GOLGA8M: variants seen among roughly 807,000 people sequenced by gnomAD.
The protein encoded by GOLGA8M is golgin A8 family member M.
In GOLGA8M, 34 loss-of-function variants were observed where a neutral mutation model predicts 87.7. The ratio of observed to expected loss-of-function variants is 0.39; its 90% CI spans 0.29 to 0.52. GOLGA8M has a LOEUF of 0.52. Among genes scored for constraint, GOLGA8M ranks in the 20% least tolerant of loss-of-function variants. GOLGA8M has a pLI of 0.80. For missense variants in GOLGA8M, 396 were observed against 682.2 expected, an observed-to-expected ratio of 0.58 and a Z score of 4.67; for synonymous variants, 138 against 250.2, an observed-to-expected ratio of 0.55 and a Z score of 4.23.
rs1187561670 is a variant in GOLGA8M, at chr15:28,705,723, C to A, written c.891G>T (p.Pro297=). The change falls in exon 12 of 19, where the codon CCG becomes CCT. Residue 297 remains proline (P), a synonymous_variant. Coordinates refer to ENST00000563027, the MANE Select transcript of GOLGA8M (RefSeq NM_001282468.3). ...CCTCAGAGGGCACTGCTGGGGGCTC[C>A]GGGGGCAAGGGTTCAGCTGAGAAAG... is the stretch of plus-strand genomic sequence containing the variant. ...LKNQMAEPLP[P]EPPAVPSEVE... 2 of 1,573,988 alleles carry A rather than the reference C, an allele frequency of 1.3e-6. No individual in the cohort carries two copies. Among genetic ancestry groups the A allele is most frequent in the African/African-American group, 2.9e-5 (2 of 68,362 alleles).
upstream of GOLGA8M, among the ~76,000 whole-genome samples, chr15:28,712,901 A>G (rs929051594): frequency 7.2e-5 from 11 of 151,916 alleles, no homozygotes; most frequent in Admixed American, 2.0e-4. Context: ...ATGATTAATG[A>G]AGCAGACTAT....
Position 28,702,170 on chromosome 15 carries a change from C to A in GOLGA8M, c.1724-41G>T, listed in dbSNP as rs748818426. On this transcript the variant is annotated intron_variant, in intron 18 of 18. Transcript: ENST00000563027. ...GGCAGGGATCTGAGCACAGTGGGAG[C>A]CCCCTCTTCCTGCCTGCCCACACCA... is the stretch of plus-strand genomic sequence containing the variant. The A allele has an allele frequency of 2.6e-6, 4 of 1,557,342 alleles. No individual in the cohort carries two copies. In the Admixed American group the frequency reaches 7.7e-5, roughly 30 times the overall value.
chr15:28,708,835 G>A (rs536548302), intron 4 of GOLGA8M, among the ~76,000 whole-genome samples: 15 of 150,938 alleles, frequency 9.9e-5, no homozygotes, highest in African/African-American at 2.7e-4. Context: ...TTCCATTCTC[G>A]GGGGCCTTTA....
intron 16 of GOLGA8M, 41 bp downstream of exon 16, chr15:28,702,604 G>C: frequency 6.2e-7 from 1 of 1,610,128 alleles, no homozygotes; most frequent in Non-Finnish European, 8.5e-7. Flanking sequence ...CCCTCCGACG[G>C]TCCTGCAGCT....
rs552470759 is a variant in GOLGA8M at position 28,712,035 on chromosome 15, C to T, written c.48+241G>A. On this transcript the variant is annotated intron_variant, in intron 1 of 18. Transcript: ENST00000563027. ...AGGAGATGAGGGCCCAGTAACGGAG[C>T]GGGAAGCCCCAGGAGTCACCCACCC... The T allele has an allele frequency of 1.4e-5, 14 of 984,950 alleles. No homozygotes were observed. The Admixed American group carries it at 3.1e-4, about 22-fold the overall frequency. 61.0% of individuals were successfully genotyped at this position (984,950 alleles called of 1,614,324 possible).
chr15:28,701,477 C>T lies in GOLGA8M; in HGVS notation c.*477G>A, dbSNP rs561406557. 2.6e-4 allele frequency among the ~76,000 whole-genome samples: 40 copies of T among 151,608 alleles called. No individual in the cohort carries two copies. Among genetic ancestry groups the T allele is most frequent in the African/African-American group, 9.5e-4 (39 of 41,240 alleles). On this transcript the variant is annotated 3_prime_UTR_variant, in exon 19 of 19. Transcript: ENST00000563027. ...GTAATAAACAGTGCACACTTGGGGG[C>T]AAACTACATATTGAGCTAACGAAGA...
upstream of GOLGA8M, among the ~76,000 whole-genome samples, chr15:28,713,253 C>T (rs1444972392): frequency 6.6e-6 from 1 of 151,354 alleles, no homozygotes; most frequent in Non-Finnish European, 1.5e-5. Context: ...AGGAGAATGA[C>T]ATGAACCCCC....
In GOLGA8M at chr15:28,702,219, T is replaced by G. The variant is rs778450092; in HGVS notation, c.1718A>C (p.His573Pro). 21 of 1,590,928 alleles carry G rather than the reference T, an allele frequency of 1.3e-5. No homozygotes were observed. Among genetic ancestry groups the G allele is most frequent in the Non-Finnish European group, 1.8e-5 (21 of 1,175,324 alleles). ...CACCTGAGGGCTGTACTCACCACCA[T>G]GCTTGTCTGCAGCCCCAAGCTCCTG... is the stretch of plus-strand genomic sequence containing the variant. ...APQELGAADK[H>P]GDLCEVSLTS... The change falls in exon 18 of 19, where the codon CAT (histidine) becomes CCT (proline). Residue 573 changes from histidine to proline, a missense_variant. Physicochemically the swap from His to Pro is moderately conservative, Grantham distance 77. Coordinates refer to ENST00000563027, the MANE Select transcript of GOLGA8M (RefSeq NM_001282468.3).
At chr15:28,708,336 T>C (rs942622406) in intron 5 of GOLGA8M, 39 bp downstream of exon 5, 4 of 1,608,134 alleles carry the variant, frequency 2.5e-6, no homozygotes, top group Non-Finnish European at 3.4e-6. Context: ...GTGAGCCTTC[T>C]TCCAGCAGTC....
intron 12 of GOLGA8M, 127 bp downstream of exon 12, chr15:28,705,356 C>G (rs2079984991): frequency 8.3e-7 from 1 of 1,200,700 alleles, no homozygotes; most frequent in African/African-American, 1.5e-5. Flanking sequence ...CCCACAGCCA[C>G]CTGGCTCACA....
intron 1 of GOLGA8M, chr15:28,711,643 C>T (rs1034569876): frequency 1.0e-5 from 10 of 984,918 alleles, no homozygotes; most frequent in African/African-American, 3.5e-5. Flanking sequence ...GAGGTGAGAA[C>T]GCTTAGGGGA....
intron 16 of GOLGA8M, 41 bp from the exon 17 acceptor site, chr15:28,702,603 G>C (rs549272543): frequency 8.7e-6 from 14 of 1,610,064 alleles, no homozygotes; most frequent in Non-Finnish European, 1.2e-5. Flanking sequence ...CCCCTCCGAC[G>C]GTCCTGCAGC....
intron 2 of GOLGA8M, among the ~76,000 whole-genome samples, chr15:28,709,981 T>C (rs2080151091): frequency 7.0e-6 from 1 of 143,240 alleles, no homozygotes; most frequent in African/African-American, 2.6e-5. Context: ...ATCACCTCTA[T>C]TATACAGATG....
chr15:28,702,496 G>A lies in GOLGA8M; in HGVS notation c.1536C>T (p.His512=). The change falls in exon 17 of 19, where the codon CAC becomes CAT. Residue 512 remains histidine (H), a synonymous_variant. Coordinates refer to ENST00000563027, the MANE Select transcript of GOLGA8M (RefSeq NM_001282468.3). ...RAKDAALGGG[H]HQAGAQGGDE... is the part of the protein sequence containing the mutation. ...CTCCTCCCTGAGCTCCAGCCTGATG[G>A]TGTCCTCCTCCCAGTGCCGCATCTT... The A allele has an allele frequency of 1.3e-6, 2 of 1,589,002 alleles. No homozygotes were observed. Among genetic ancestry groups the A allele is most frequent in the East Asian group, 2.3e-5 (1 of 44,322 alleles).
Position 28,709,271 on chromosome 15 carries a change from G to C in GOLGA8M, c.305C>G (p.Ser102Cys). Residue 102 changes from serine to cysteine, a missense_variant, in exon 4 of 19, where the codon TCT becomes TGT. Transcript: ENST00000563027. ...GGGACCCCACCGGACTCTTACCAAA[G>C]ATTTGATGGTGTTCTTCAGTTGACT... is the stretch of plus-strand genomic sequence containing the variant. ...EISQLKNTIK[S>C]LKQQKKQVEH... 2.6e-6 allele frequency: 4 copies of C among 1,555,328 alleles called. No homozygotes were observed. The highest frequency in any genetic ancestry group is 3.5e-6 in the Non-Finnish European group (4 of 1,146,540).
chr15:28,703,963 G>T, intron 13 of GOLGA8M, 46 bp from the exon 14 acceptor site: 2 of 1,587,274 alleles, frequency 1.3e-6, no homozygotes, highest in Non-Finnish European at 1.7e-6. Flanking sequence ...TTGCCAGGTC[G>T]TCCCCCTCAC....
At position 28,701,251 on chromosome 15, in the gene GOLGA8M, T is replaced by G. The variant is rs1283810264; in HGVS notation, c.*703A>C. On this transcript the variant is annotated 3_prime_UTR_variant, in exon 19 of 19. Transcript: ENST00000563027. Reference sequence around the variant, plus strand: ...ACCACCATAATACACCGCTAATTCCTGGCACCGGAACAGATGAAACACACT... The same window carrying G: ...ACCACCATAATACACCGCTAATTCCGGGCACCGGAACAGATGAAACACACT... 2.0e-5 allele frequency among the ~76,000 whole-genome samples: 3 copies of G among 151,852 alleles called. No homozygotes were observed. The highest frequency in any genetic ancestry group is 1.3e-4 in the Admixed American group (2 of 15,234).
Position 28,702,547 on chromosome 15 carries a change from A to C in GOLGA8M, c.1485T>G (p.Leu495=). ...TGGCACGGCCCCCTGGTTCTGATAAAAGGTGATGGATTTTCCTGCGGGAGG... is the reference window on the plus strand; with the variant it reads ...TGGCACGGCCCCCTGGTTCTGATAACAGGTGATGGATTTTCCTGCGGGAGG... The part of the protein sequence containing the change: ...QERCHQKIHH[L]LSEPGGRAKD... Residue 495 remains leucine, a synonymous_variant, in exon 17 of 19, where the codon CTT becomes CTG. Coordinates refer to ENST00000563027, the MANE Select transcript of GOLGA8M (RefSeq NM_001282468.3). 6.2e-7 allele frequency: 1 copy of C among 1,605,342 alleles called. No homozygotes were observed. The highest frequency in any genetic ancestry group is 8.5e-7 in the Non-Finnish European group (1 of 1,179,622).
chr15:28,713,214 G>A (rs908966331), upstream of GOLGA8M, among the ~76,000 whole-genome samples: 4 of 151,072 alleles, frequency 2.6e-5, no homozygotes, highest in Non-Finnish European at 5.9e-5. Flanking sequence ...GCAGGCAGCT[G>A]TAGTCTCAGC....
Sources: gnomAD v4.1 joint callset for allele counts (sites outside exome capture counted in the v4.1 genomes callset) on GRCh38, gnomAD v4.1.1 for gene constraint, MANE v1.5 for transcripts, NCBI Gene and HGNC (gene_info 2026-07-23, HGNC 2026-07-21) for gene names.